Variants in OXNAD1 observed in about 807,000 individuals in gnomAD.
OXNAD1 encodes the protein oxidoreductase NAD binding domain containing 1, also known as oxidoreductase NAD-binding domain-containing protein 1.
Under a neutral mutation model 32.9 loss-of-function variants are expected in OXNAD1, and 34 were observed. The ratio of observed to expected loss-of-function variants is 1.03; its 90% CI spans 0.79 to 1.38. OXNAD1 has a LOEUF of 1.38. Ranked by LOEUF, OXNAD1 falls within the 40% of genes most tolerant of loss-of-function variation. The pLI is 0.00. For missense variants in OXNAD1, 407 were observed against 379.4 expected, an observed-to-expected ratio of 1.07 and a Z score of -0.60; for synonymous variants, 134 against 135.2, an observed-to-expected ratio of 0.99 and a Z score of 0.06.
chr3:16,341,177 A>T (rs891695315), downstream of OXNAD1, among the ~76,000 whole-genome samples: 1 of 152,190 alleles, frequency 6.6e-6, no homozygotes, highest in East Asian at 1.9e-4. This position sits in a 1 kb window ranked among gnomAD's most constrained non-coding sequence, Gnocchi z 4.7. Context: ...GAGGATGTGG[A>T]ACAACAGCAA....
Position 16,314,781 on chromosome 3 carries a change from T to C in OXNAD1, c.*30+11189T>C, listed in dbSNP as rs541121546. On this transcript the variant is annotated intron_variant, in intron 9 of 9. Coordinates refer to the OXNAD1 transcript ENST00000435829. The surrounding 1 kb of genome is among the most constrained non-coding windows in gnomAD (Gnocchi z 4.4). ...GAAAAATGTACCCAAAGCTGAGCAA[T>C]GTAAGGCCCTCTAGCCTGGAACCGT... 21 of 152,310 alleles carry C rather than the reference T, an allele frequency of 1.4e-4. No individual in the cohort carries two copies. Among genetic ancestry groups the C allele is most frequent in the African/African-American group, 5.1e-4 (21 of 41,566 alleles). 9.4% of individuals were successfully genotyped at this position (152,310 alleles called of 1,614,324 possible).
chr3:16,351,324 TTCAGGGAAGCCA>T (rs2072088715), downstream of OXNAD1, among the ~76,000 whole-genome samples: 1 of 152,140 alleles, frequency 6.6e-6, no homozygotes, highest in Non-Finnish European at 1.5e-5. This position sits in a 1 kb window ranked among gnomAD's most constrained non-coding sequence, Gnocchi z 5.4. Flanking sequence ...ATATGAAGCC[TTCAGGGAAGCCA>T]AGGCTGGAAG....
intron 4 of OXNAD1, among the ~76,000 whole-genome samples, chr3:16,279,211 G>T (rs755830333): frequency 6.6e-6 from 1 of 152,176 alleles, no homozygotes; most frequent in Non-Finnish European, 1.5e-5. Flanking sequence ...GGCACTCACT[G>T]CCTGGAGGTA....
rs1013937476 is a variant in OXNAD1, at chr3:16,342,975, G to A, written c.*31-6201G>A. 5.3e-5 allele frequency among the ~76,000 whole-genome samples: 8 copies of A among 151,914 alleles called. No individual in the cohort carries two copies. The highest frequency in any genetic ancestry group is 1.0e-4 in the Non-Finnish European group (7 of 67,994). The stretch of plus-strand genomic sequence containing the variant: ...CCACTACAGCCCCTCTGAGTCGCTG[G>A]GAATACAGGCACACACCACCATGCC... On this transcript the variant is annotated intron_variant, in intron 9 of 9. Transcript: ENST00000606098. The surrounding 1 kb of genome is among the most constrained non-coding windows in gnomAD (Gnocchi z 4.0).
At chr3:16,351,640 TG>T (rs1486430824), downstream of OXNAD1, among the ~76,000 whole-genome samples, 8 of 152,212 alleles carry the variant, frequency 5.3e-5, no homozygotes, top group African/African-American at 1.9e-4. This position sits in a 1 kb window ranked among gnomAD's most constrained non-coding sequence, Gnocchi z 5.4. Flanking sequence ...AGGATGCTCA[TG>T]CCCTTCTGAC....
chr3:16,339,648 T>G (rs1045183787), downstream of OXNAD1: 1 of 152,198 alleles, frequency 6.6e-6, no homozygotes, highest in African/African-American at 2.4e-5. Context: ...GACTGGCCAA[T>G]CCTATTTGGG....
downstream of OXNAD1, among the ~76,000 whole-genome samples, chr3:16,351,323 C>A (rs1325945642): frequency 6.6e-6 from 1 of 152,160 alleles, no homozygotes; most frequent in African/African-American, 2.4e-5. This position sits in a 1 kb window ranked among gnomAD's most constrained non-coding sequence, Gnocchi z 5.4. Context: ...CATATGAAGC[C>A]TTCAGGGAAG....
downstream of OXNAD1, chr3:16,339,807 A>G (rs1016874241): frequency 1.3e-5 from 2 of 152,244 alleles, no homozygotes; most frequent in Non-Finnish European, 2.9e-5. Flanking sequence ...AATCCCAGGC[A>G]CTTAAGGAAG....
downstream of OXNAD1, among the ~76,000 whole-genome samples, chr3:16,308,048 G>T (rs113342722): frequency 6.6e-6 from 1 of 152,106 alleles, no homozygotes; most frequent in East Asian, 1.9e-4. This position sits in a 1 kb window ranked among gnomAD's most constrained non-coding sequence, Gnocchi z 4.4. Flanking sequence ...TGCTATGTGC[G>T]GTCACTGAGC....
intron 9 of OXNAD1, among the ~76,000 whole-genome samples, chr3:16,324,646 T>TTTGTG (rs1491457510): frequency 9.0e-5 from 9 of 100,474 alleles, no homozygotes; most frequent in South Asian, 3.7e-4. Flanking sequence ...TAGTATTCCA[T>TTTGTG]TGTGTGTGTG....
At chr3:16,340,730 C>A (rs1303989075), downstream of OXNAD1, among the ~76,000 whole-genome samples, 1 of 152,196 alleles carries the variant, frequency 6.6e-6, no homozygotes, top group Middle Eastern at 3.2e-3. Context: ...TTGTGCTAAT[C>A]CCTACCCCTC....
intron 4 of OXNAD1, among the ~76,000 whole-genome samples, chr3:16,278,401 C>A (rs1254672453): frequency 6.6e-6 from 1 of 152,168 alleles, no homozygotes; most frequent in Non-Finnish European, 1.5e-5. Context: ...TTCTCACAAC[C>A]ATTCTGGGAG....
chr3:16,339,088 G>A (rs1203526614), downstream of OXNAD1, among the ~76,000 whole-genome samples: 1 of 152,208 alleles, frequency 6.6e-6, no homozygotes, highest in East Asian at 1.9e-4. Flanking sequence ...ACCATGTGCT[G>A]GGCTGTCACA....
intron 1 of OXNAD1, among the ~76,000 whole-genome samples, chr3:16,268,313 C>CTTTTTTTTTTTT (rs531751365): frequency 6.6e-5 from 4 of 60,928 alleles, no homozygotes; most frequent in African/African-American, 9.8e-5. Flanking sequence ...AAGAGAACTC[C>CTTTTTTTTTTTT]TTTTTTTTTT....
At position 16,287,292 on chromosome 3, in the gene OXNAD1, G is replaced by A. The variant is rs1202959291; in HGVS notation, c.290+844G>A. ...TTGACTAATTTTGGCAGTCCATCTG[G>A]AAATGTGGTTTTGTTAGAAGGAGGA... On this transcript the variant is annotated intron_variant, in intron 5 of 8. Coordinates refer to ENST00000285083, the MANE Select transcript of OXNAD1 (RefSeq NM_138381.5). This position sits in a 1 kb window ranked among gnomAD's most constrained non-coding sequence, Gnocchi z 4.8. Among the ~76,000 whole-genome samples the A allele has an allele frequency of 6.6e-6, 1 of 152,208 alleles. No homozygotes were observed. The highest frequency in any genetic ancestry group is 2.4e-5 in the African/African-American group (1 of 41,448).
intron 9 of OXNAD1, among the ~76,000 whole-genome samples, chr3:16,325,540 T>C (rs2069605088): frequency 6.6e-6 from 1 of 152,188 alleles, no homozygotes; most frequent in African/African-American, 2.4e-5. Context: ...TTGACCAACA[T>C]GACACAGTGG....
intron 9 of OXNAD1, among the ~76,000 whole-genome samples, chr3:16,326,310 G>T (rs1409118838): frequency 3.3e-5 from 5 of 152,284 alleles, no homozygotes; most frequent in African/African-American, 1.2e-4. Flanking sequence ...GCTTGATCTT[G>T]GCCAAGTCCC....
At chr3:16,294,794 G>A in intron 5 of OXNAD1, 62 bp from the exon 6 acceptor site, 2 of 1,511,588 alleles carry the variant, frequency 1.3e-6, no homozygotes, top group Non-Finnish European at 1.8e-6. Flanking sequence ...TGTCAATTCT[G>A]TTTAATTTAC....
rs1483535319 is a variant in OXNAD1, at chr3:16,314,574, C to T, written c.*30+10982C>T. ...TTTCAAGCTGCTGCTAACTTAACAC[C>T]CTCCACTGTAGACTGATTTTTGCCA... On this transcript the variant is annotated intron_variant, in intron 9 of 9. Transcript: ENST00000435829. The surrounding 1 kb of genome is among the most constrained non-coding windows in gnomAD (Gnocchi z 4.4). 6.6e-6 allele frequency: 1 copy of T among 152,114 alleles called. No individual in the cohort carries two copies. The highest frequency in any genetic ancestry group is 2.4e-5 in the African/African-American group (1 of 41,410). The allele number at this position is 152,114 out of a possible 1,614,324, so 9.4% of individuals were successfully genotyped here.
Sources: gnomAD v4.1 joint callset for allele counts (sites outside exome capture counted in the v4.1 genomes callset) on GRCh38, gnomAD v4.1.1 for gene constraint, Gnocchi (gnomAD v3.1) non-coding constraint, MANE v1.5 for transcripts, NCBI Gene and HGNC (gene_info 2026-07-23, HGNC 2026-07-21) for gene names.